TRAPPC11: variants seen among roughly 807,000 people sequenced by gnomAD.
The protein encoded by TRAPPC11 is trafficking protein particle complex subunit 11.
A neutral mutation model predicts 151.2 loss-of-function variants in TRAPPC11; 104 were observed. That is an observed-to-expected ratio of 0.69 (90% CI 0.59 to 0.81). The LOEUF is 0.81. TRAPPC11 is among the 30% of genes least tolerant of loss of function. TRAPPC11 has a pLI of 0.00. For missense variants in TRAPPC11, 1,230 were observed against 1,349.6 expected, an observed-to-expected ratio of 0.91 and a Z score of 1.39; for synonymous variants, 456 against 472.3, an observed-to-expected ratio of 0.97 and a Z score of 0.45.
At chr4:183,689,364 A>G (rs888207923) in intron 18 of TRAPPC11, among the ~76,000 whole-genome samples, 9 of 151,798 alleles carry the variant, frequency 5.9e-5, no homozygotes, top group African/African-American at 2.2e-4. Flanking sequence ...CTCTCCGACT[A>G]CTTCATTCCT....
At position 183,708,671 on chromosome 4, in the gene TRAPPC11, A is replaced by C; in HGVS notation, c.3357+97A>C. The C allele has an allele frequency of 2.6e-6, 3 of 1,147,022 alleles. No homozygotes were observed. In the Admixed American group the frequency reaches 7.7e-5, roughly 29 times the overall value. The allele number at this position is 1,147,022 out of a possible 1,614,324, so 71.1% of individuals were successfully genotyped here. On this transcript the variant is annotated intron_variant, in intron 29 of 29. Transcript: ENST00000334690. Reference sequence around the variant, plus strand: ...CTTCACTGAACAGTATTTTGAGACCAACAGTGATAGTTTTGCCTTTTATTA... The same window carrying C: ...CTTCACTGAACAGTATTTTGAGACCCACAGTGATAGTTTTGCCTTTTATTA...
chr4:183,693,505 C>A, intron 20 of TRAPPC11, 84 bp from the exon 21 acceptor site: 1 of 1,437,964 alleles, frequency 7.0e-7, no homozygotes, highest in Non-Finnish European at 9.3e-7. Flanking sequence ...TGCACCCAGC[C>A]TCTTATTTCT....
chr4:183,691,128 G>A (rs969627378), intron 18 of TRAPPC11, among the ~76,000 whole-genome samples, 188 bp from the exon 19 acceptor site: 4 of 152,218 alleles, frequency 2.6e-5, no homozygotes, highest in African/African-American at 9.6e-5. Context: ...TATGTGTAGT[G>A]AACTGTTATA....
intron 17 of TRAPPC11, 131 bp downstream of exon 17, chr4:183,685,534 A>ATTT: frequency 9.5e-7 from 1 of 1,054,998 alleles, no homozygotes; most frequent in Non-Finnish European, 1.3e-6. Flanking sequence ...AGATAAACTG[A>ATTT]TTTTTTTTTG....
chr4:183,662,967 G>C (rs961271216), intron 1 of TRAPPC11, among the ~76,000 whole-genome samples: 1 of 152,088 alleles, frequency 6.6e-6, no homozygotes, highest in Non-Finnish European at 1.5e-5. Context: ...CATTTTAATA[G>C]ATCTAATTCA....
rs187648455 is a variant in TRAPPC11 at position 183,691,771 on chromosome 4, A to G, written c.2049+300A>G. Among the ~76,000 whole-genome samples the G allele has an allele frequency of 2.5e-3, 385 of 152,220 alleles. 1 individual carries two copies. The highest frequency in any genetic ancestry group is 8.2e-3 in the African/African-American group (340 of 41,550). ...TTATTTCTTGTTAGTATATAAACCA[A>G]TCTTGTTTTTTAATGACCACATAAT... On this transcript the variant is annotated intron_variant, in intron 19 of 29. Coordinates refer to ENST00000334690, the MANE Select transcript of TRAPPC11 (RefSeq NM_021942.6).
intron 5 of TRAPPC11, among the ~76,000 whole-genome samples, chr4:183,671,738 G>C (rs1735168353): frequency 6.6e-6 from 1 of 152,178 alleles, no homozygotes; most frequent in African/African-American, 2.4e-5. Context: ...AAGTTCAGTT[G>C]CAGTGGCTAA....
intron 20 of TRAPPC11, among the ~76,000 whole-genome samples, 161 bp from the exon 21 acceptor site, chr4:183,693,428 A>T (rs1318916870): frequency 2.0e-5 from 3 of 151,608 alleles, no homozygotes; most frequent in Non-Finnish European, 4.4e-5. Flanking sequence ...CTTGTTTCAA[A>T]CTCCTGGGCT....
chr4:183,692,001 G>A (rs899367682), intron 19 of TRAPPC11, among the ~76,000 whole-genome samples: 1 of 152,058 alleles, frequency 6.6e-6, no homozygotes, highest in Non-Finnish European at 1.5e-5. Flanking sequence ...TATCTTTATT[G>A]AGCATAAACT....
intron 12 of TRAPPC11, 27 bp downstream of exon 12, chr4:183,684,081 T>A: frequency 6.2e-7 from 1 of 1,608,798 alleles, no homozygotes; most frequent in South Asian, 1.1e-5. Context: ...ATATAAACTA[T>A]TTTTTACACT....
intron 29 of TRAPPC11, among the ~76,000 whole-genome samples, chr4:183,711,638 G>A (rs1453646807): frequency 6.6e-6 from 1 of 152,162 alleles, no homozygotes; most frequent in Non-Finnish European, 1.5e-5. Context: ...CTGTATGTAT[G>A]TACACACACA....
At chr4:183,664,208 T>C (rs1381881112) in intron 2 of TRAPPC11, 137 bp downstream of exon 2, 1 of 680,740 alleles carries the variant, frequency 1.5e-6, no homozygotes, top group Non-Finnish European at 2.6e-6. Context: ...CTTAGGCATT[T>C]TCATGTAATA....
In TRAPPC11 at chr4:183,678,670, A is replaced by G. The variant is rs1360576528; in HGVS notation, c.832-683A>G. On this transcript the variant is annotated intron_variant, in intron 8 of 29. Coordinates refer to ENST00000334690, the MANE Select transcript of TRAPPC11 (RefSeq NM_021942.6). ...ACACATACTTATCTGTGTGTAGAAT[A>G]TATCAGGAAGCATATGGCAGAAACT... Among the ~76,000 whole-genome samples the G allele has an allele frequency of 2.0e-5, 3 of 152,244 alleles. No individual in the cohort carries two copies. The East Asian group carries it at 5.8e-4, about 29-fold the overall frequency.
chr4:183,664,813 T>C (rs1275730564), intron 2 of TRAPPC11, among the ~76,000 whole-genome samples: 2 of 151,346 alleles, frequency 1.3e-5, no homozygotes, highest in Non-Finnish European at 2.9e-5. Context: ...ACCCCTATCC[T>C]TTTTTTTTCT....
At chr4:183,685,664 GGTT>G (rs1367129948) in intron 17 of TRAPPC11, among the ~76,000 whole-genome samples, 1 of 152,010 alleles carries the variant, frequency 6.6e-6, no homozygotes, top group African/African-American at 2.4e-5. Flanking sequence ...TTATTTAAAA[GGTT>G]GTGCTTTACT....
At chr4:183,696,418 T>C (rs1422585164) in intron 23 of TRAPPC11, among the ~76,000 whole-genome samples, 1 of 152,166 alleles carries the variant, frequency 6.6e-6, no homozygotes, top group Admixed American at 6.5e-5. Flanking sequence ...TATTTTGACA[T>C]GGGGTCTCAC....
At chr4:183,697,901 A>C in intron 25 of TRAPPC11, 66 bp downstream of exon 25, 1 of 1,457,370 alleles carries the variant, frequency 6.9e-7, no homozygotes, top group Non-Finnish European at 9.3e-7. Context: ...GTGTGTGTAT[A>C]AGCTGGCAAT....
At chr4:183,687,293 G>A (rs1325114585) in intron 18 of TRAPPC11, among the ~76,000 whole-genome samples, 1 of 6,576 alleles carries the variant, frequency 1.5e-4, no homozygotes, top group Non-Finnish European at 3.7e-4. Flanking sequence ...TTCTCTGTGT[G>A]TGTGTGTATA....
chr4:183,686,784 A>C (rs753518578), intron 18 of TRAPPC11, 36 bp downstream of exon 18: 1 of 1,608,136 alleles, frequency 6.2e-7, no homozygotes, highest in African/African-American at 1.3e-5. Context: ...TACCACGTTT[A>C]TCTTATTGTA....
Sources: allele counts gnomAD v4.1 joint callset (sites outside exome capture counted in the v4.1 genomes callset), GRCh38; gene constraint gnomAD v4.1.1; transcripts MANE v1.5; gene names NCBI Gene and HGNC (gene_info 2026-07-23, HGNC 2026-07-21).